Variants in MYLK observed in about 807,000 individuals in gnomAD.
MYLK encodes the protein myosin light chain kinase, smooth muscle.
In MYLK, 106 loss-of-function variants were observed where a neutral mutation model predicts 203.4. The observed-to-expected ratio is 0.52, with a 90% CI of 0.45 to 0.61. MYLK has a LOEUF of 0.61. Ranked by LOEUF, MYLK falls within the 20% of genes least tolerant of loss-of-function variation. The pLI, the probability that MYLK is intolerant of heterozygous loss-of-function variation, is 0.00. For synonymous variants in MYLK, 867 were observed against 959.5 expected (o/e 0.90, Z 1.78); for missense variants, 2,072 against 2,442.3 (o/e 0.85, Z 3.20).
At chr3:123,678,945 A>G (rs1324178205) in intron 20 of MYLK, among the ~76,000 whole-genome samples, 1 of 152,250 alleles carries the variant, frequency 6.6e-6, no homozygotes, top group African/African-American at 2.4e-5. Context: ...GAATGTGTGC[A>G]TATATAATGT....
chr3:123,811,707 A>T (rs2065567357), intron 3 of MYLK, among the ~76,000 whole-genome samples: 1 of 152,176 alleles, frequency 6.6e-6, no homozygotes, highest in African/African-American at 2.4e-5. Flanking sequence ...TCTGAAGAGC[A>T]GTATGTTGTT....
chr3:123,807,446 A>AT (rs1203020821), intron 3 of MYLK, among the ~76,000 whole-genome samples: 6 of 152,112 alleles, frequency 3.9e-5, no homozygotes. Flanking sequence ...AAAAAAAAAA[A>AT]GCTATGTTAA....
At chr3:123,619,412 C>G (rs963875362) in intron 32 of MYLK, among the ~76,000 whole-genome samples, 2 of 152,188 alleles carry the variant, frequency 1.3e-5, no homozygotes, top group Non-Finnish European at 2.9e-5. Context: ...CAGTCTCTAT[C>G]CCTGGCTGTG....
At chr3:123,847,355 T>C (rs2030147334) in intron 2 of MYLK, among the ~76,000 whole-genome samples, 1 of 152,136 alleles carries the variant, frequency 6.6e-6, no homozygotes, top group Non-Finnish European at 1.5e-5. Context: ...GAAAATCTTA[T>C]TGGTATGCAA....
intron 4 of MYLK, among the ~76,000 whole-genome samples, chr3:123,770,094 T>C (rs891740269): frequency 6.7e-6 from 1 of 150,092 alleles, no homozygotes; most frequent in Non-Finnish European, 1.5e-5. Context: ...GTGGATCACC[T>C]GAGGTCAGGA....
At position 123,648,834 on chromosome 3, in the gene MYLK, T is replaced by C; in HGVS notation, c.4415+137A>G. The C allele has an allele frequency of 2.6e-6, 2 of 777,620 alleles. No homozygotes were observed. Among genetic ancestry groups the C allele is most frequent in the Non-Finnish European group, 4.5e-6 (2 of 448,088 alleles). The allele number at this position is 777,620 out of a possible 1,614,324, so 48.2% of individuals were successfully genotyped here. On this transcript the variant is annotated intron_variant, in intron 26 of 33. Coordinates refer to ENST00000360304, the MANE Select transcript of MYLK (RefSeq NM_053025.4). The surrounding 1 kb of genome is among the most constrained non-coding windows in gnomAD (Gnocchi z 4.5). ...AGTGATGCTTTCGTGGGTCAGTCCT[T>C]TGGATCCTGCAGGACTCTCAGTCTG...
chr3:123,638,318 A>G, intron 28 of MYLK, 124 bp from the exon 29 acceptor site: 1 of 1,394,542 alleles, frequency 7.2e-7, no homozygotes, highest in Non-Finnish European at 1.0e-6. Flanking sequence ...TTTGGCACAG[A>G]GAACAGGCAC....
intron 2 of MYLK, among the ~76,000 whole-genome samples, chr3:123,847,065 T>A (rs1429598802): frequency 6.6e-6 from 1 of 152,062 alleles, no homozygotes; most frequent in African/African-American, 2.4e-5. Flanking sequence ...ATATATTTTT[T>A]AAAAATCTAA....
At chr3:123,667,867 A>G (rs2059792864) in intron 20 of MYLK, among the ~76,000 whole-genome samples, 1 of 152,196 alleles carries the variant, frequency 6.6e-6, no homozygotes, top group Non-Finnish European at 1.5e-5. Context: ...ATGTCATGTC[A>G]GATAAACCAA....
chr3:123,845,684 C>A (rs1269101641), intron 2 of MYLK, among the ~76,000 whole-genome samples: 1 of 152,064 alleles, frequency 6.6e-6, no homozygotes, highest in Non-Finnish European at 1.5e-5. Flanking sequence ...GAGACAGGGT[C>A]TTGCTCTGTA....
chr3:123,785,795 C>T (rs1379626624), intron 4 of MYLK, among the ~76,000 whole-genome samples: 1 of 152,158 alleles, frequency 6.6e-6, no homozygotes, highest in Non-Finnish European at 1.5e-5. Context: ...CTATTCAGCA[C>T]TTAAATAGTG....
intron 29 of MYLK, among the ~76,000 whole-genome samples, chr3:123,631,247 A>G (rs1230144946): frequency 6.6e-6 from 1 of 151,916 alleles, no homozygotes; most frequent in East Asian, 1.9e-4. Context: ...AAAATACAAA[A>G]ATTAGCTGGG....
intron 3 of MYLK, among the ~76,000 whole-genome samples, chr3:123,827,806 C>T (rs1043175952): frequency 7.0e-5 from 9 of 127,938 alleles, no homozygotes; most frequent in African/African-American, 2.3e-4. Flanking sequence ...TTACAGGATA[C>T]AAAATTAATA....
At chr3:123,672,083 G>A (rs1164120352) in intron 20 of MYLK, among the ~76,000 whole-genome samples, 2 of 152,102 alleles carry the variant, frequency 1.3e-5, no homozygotes, top group South Asian at 2.1e-4. Flanking sequence ...GAATGTGACC[G>A]TATTTAGAAA....
At chr3:123,614,411 A>C in intron 33 of MYLK, 62 bp from the exon 34 acceptor site, 476 of 1,603,832 alleles carry the variant, frequency 3.0e-4, no homozygotes, top group Non-Finnish European at 3.6e-4. Flanking sequence ...TTATCAACTC[A>C]TGCAAGCAAC....
intron 5 of MYLK, among the ~76,000 whole-genome samples, chr3:123,747,393 G>T (rs1333715407): frequency 6.6e-6 from 1 of 152,162 alleles, no homozygotes; most frequent in South Asian, 2.1e-4. Flanking sequence ...CGGCACTGAG[G>T]GGTGGCTGGG....
chr3:123,863,354 A>C (rs536075784), intron 2 of MYLK, among the ~76,000 whole-genome samples: 1 of 151,746 alleles, frequency 6.6e-6, no homozygotes, highest in East Asian at 1.9e-4. Context: ...ACACAGAAAA[A>C]AAAATAGCCT....
At chr3:123,880,623 C>T (rs971051787) in intron 1 of MYLK, among the ~76,000 whole-genome samples, 1 of 151,132 alleles carries the variant, frequency 6.6e-6, no homozygotes, top group African/African-American at 2.4e-5. Context: ...AAGGAAGTAC[C>T]AACAGAGGGG....
intron 4 of MYLK, among the ~76,000 whole-genome samples, chr3:123,782,002 A>G (rs535270934): frequency 5.9e-5 from 9 of 152,324 alleles, no homozygotes; most frequent in Admixed American, 5.9e-4. Flanking sequence ...GTTTTATAAA[A>G]ACTAGGCATG....
Sources: allele counts gnomAD v4.1 joint callset (sites outside exome capture counted in the v4.1 genomes callset), GRCh38; gene constraint gnomAD v4.1.1; non-coding constraint Gnocchi (gnomAD v3.1); transcripts MANE v1.5; gene names NCBI Gene and HGNC (gene_info 2026-07-23, HGNC 2026-07-21).